The following NRIP1 variants were observed in gnomAD, a reference collection of about 807,000 sequenced individuals.
The protein encoded by NRIP1 is nuclear receptor interacting protein 1.
In NRIP1, 28 loss-of-function variants were observed where a neutral mutation model predicts 75.0. The ratio of observed to expected loss-of-function variants is 0.37; its 90% CI spans 0.28 to 0.51. The LOEUF is 0.51. Among genes scored for constraint, NRIP1 ranks in the 20% least tolerant of loss-of-function variants. The pLI, the probability that NRIP1 is intolerant of heterozygous loss-of-function variation, is 0.92. For missense variants in NRIP1, 1,435 were observed against 1,343.7 expected (o/e 1.07, Z -1.06); for synonymous variants, 526 against 487.6 (o/e 1.08, Z -1.04).
intron 3 of NRIP1, among the ~76,000 whole-genome samples, chr21:15,011,443 C>T (rs1322963874): frequency 1.3e-5 from 2 of 152,136 alleles, no homozygotes; most frequent in African/African-American, 2.4e-5. Context: ...CCCGCCTCGG[C>T]CTCTCAAAGT....
intron 3 of NRIP1, among the ~76,000 whole-genome samples, chr21:15,005,046 A>G (rs2087932062): frequency 1.3e-5 from 2 of 152,228 alleles, no homozygotes; most frequent in South Asian, 4.1e-4. Context: ...TTTGATTTAT[A>G]AATTATATTT....
chr21:14,964,752 C>A lies in NRIP1; in HGVS notation c.3441G>T (p.Leu1147=). 1 of 1,573,172 alleles carries A rather than the reference C, an allele frequency of 6.4e-7. No homozygotes were observed. Among genetic ancestry groups the A allele is most frequent in the Non-Finnish European group, 8.6e-7 (1 of 1,166,118 alleles). ...HSANGEVYGL[L]GSVLTIKKES... Reference sequence around the variant, plus strand: ...CTTTCTTTATCGTTAGCACGCTTCCCAGAAGTCCATAAACTTCTCCATTTG... The same window carrying A: ...CTTTCTTTATCGTTAGCACGCTTCCAAGAAGTCCATAAACTTCTCCATTTG... Residue 1147 remains leucine, a synonymous_variant, in exon 4 of 4, where the codon CTG becomes CTT. Transcript: ENST00000318948.
At position 14,975,984 on chromosome 21, in the gene NRIP1, TTCAAAAATGTGGTATTA is replaced by T. The variant is rs544993395; in HGVS notation, c.-334-7475_-334-7459del. 2.0e-5 allele frequency among the ~76,000 whole-genome samples: 3 copies of T among 152,256 alleles called. No individual in the cohort carries two copies. In the South Asian group the frequency reaches 6.2e-4, roughly 32 times the overall value. On this transcript the variant is annotated intron_variant, in intron 3 of 3. Transcript: ENST00000318948. ...CTATTAAGGACACATTCATTAAAAC[TTCAAAAATGTGGTATTA>T]TCCTTCCTACCACTTACAAATATAT...
intron 2 of NRIP1, among the ~76,000 whole-genome samples, chr21:15,036,857 A>T (rs1327344502): frequency 6.6e-6 from 1 of 152,130 alleles, no homozygotes; most frequent in Admixed American, 6.5e-5. Flanking sequence ...CTTTACCCCA[A>T]TGTGAATTAA....
rs2087331953 is a variant in NRIP1 at position 14,984,369 on chromosome 21, T to A, written c.-334-15843A>T. Among the ~76,000 whole-genome samples the A allele has an allele frequency of 2.2e-5, 3 of 138,288 alleles. No individual in the cohort carries two copies. In the South Asian group the frequency reaches 6.4e-4, roughly 29 times the overall value. The allele number at this position is 138,288 out of a possible 152,430, so 90.7% of individuals were successfully genotyped here. A position where few individuals can be genotyped will look rare whatever the true frequency, so the allele number is the denominator to read the frequency against. ...AAATGAATGAGGAGTTGTTGCGGGT[T>A]TTTTTTTTTTTTTCAACTCCTGAGC... On this transcript the variant is annotated intron_variant, in intron 3 of 3. Transcript: ENST00000318948.
intron 3 of NRIP1, among the ~76,000 whole-genome samples, chr21:14,976,497 T>G (rs2087072735): frequency 6.6e-6 from 1 of 152,186 alleles, no homozygotes; most frequent in South Asian, 2.1e-4. Flanking sequence ...GTAATTTTTT[T>G]AGAGCTTTTT....
chr21:14,987,506 T>C (rs113653292), intron 3 of NRIP1, among the ~76,000 whole-genome samples: 10 of 152,274 alleles, frequency 6.6e-5, no homozygotes, highest in East Asian at 1.9e-4. Flanking sequence ...CAAGATAAGA[T>C]AGTGAAAACC....
chr21:14,977,017 C>A (rs2087091226), intron 3 of NRIP1, among the ~76,000 whole-genome samples: 2 of 152,118 alleles, frequency 1.3e-5, no homozygotes, highest in South Asian at 4.1e-4. Flanking sequence ...TTCTACAATG[C>A]AGCTTTGACC....
At chr21:15,046,939 C>T (rs907009476) in intron 1 of NRIP1, among the ~76,000 whole-genome samples, 5 of 152,110 alleles carry the variant, frequency 3.3e-5, no homozygotes, top group Non-Finnish European at 7.3e-5. Context: ...TAGAGTGAGG[C>T]GCTGCTCTGG....
chr21:14,979,544 G>A (rs1055402360), intron 3 of NRIP1, among the ~76,000 whole-genome samples: 3 of 152,166 alleles, frequency 2.0e-5, no homozygotes, highest in African/African-American at 7.2e-5. Flanking sequence ...TAGACACTCT[G>A]CACTTACCCA....
At position 14,965,568 on chromosome 21, in the gene NRIP1, G is replaced by C. The variant is rs2086711325; in HGVS notation, c.2625C>G (p.Asn875Lys). 1.2e-6 allele frequency: 2 copies of C among 1,613,954 alleles called. No individual in the cohort carries two copies. The highest frequency in any genetic ancestry group is 1.7e-6 in the Non-Finnish European group (2 of 1,179,938). Reference sequence around the variant, plus strand: ...GATTGTTTGCAGCATCAACAATGTTGTTTTTCATCTTTTTAAATGGATTTT... The same window carrying C: ...GATTGTTTGCAGCATCAACAATGTTCTTTTTCATCTTTTTAAATGGATTTT... The part of the protein sequence containing the change: ...PLENPFKKMK[N>K]NIVDAANNHS... Residue 875 changes from asparagine to lysine, a missense_variant, in exon 4 of 4, where the codon AAC becomes AAG. Transcript: ENST00000318948.
chr21:15,035,723 A>G (rs1479846790), intron 2 of NRIP1, among the ~76,000 whole-genome samples: 7 of 151,736 alleles, frequency 4.6e-5, no homozygotes, highest in Non-Finnish European at 1.5e-5. Flanking sequence ...TGGCCGGTTG[A>G]TTTTTTGTAT....
chr21:14,986,994 G>C (rs2087423106), intron 3 of NRIP1, among the ~76,000 whole-genome samples: 2 of 152,150 alleles, frequency 1.3e-5, no homozygotes, highest in Non-Finnish European at 2.9e-5. Flanking sequence ...AAAGTCATCT[G>C]CCTAATCAAT....
In NRIP1 at chr21:14,968,284, A is replaced by G. The variant is rs970953174; in HGVS notation, c.-92T>C. 7.6e-6 allele frequency: 6 copies of G among 785,922 alleles called. No individual in the cohort carries two copies. In the South Asian group the frequency reaches 1.1e-4, roughly 14 times the overall value. The allele number at this position is 785,922 out of a possible 1,614,324, so 48.7% of individuals were successfully genotyped here. A position where few individuals can be genotyped will look rare whatever the true frequency, so the allele number is the denominator to read the frequency against. On this transcript the variant is annotated 5_prime_UTR_variant, in exon 4 of 4. Coordinates refer to ENST00000318948, the MANE Select transcript of NRIP1 (RefSeq NM_003489.4). ...TGCGATGTAACTTTAATAAAGGAGT[A>G]TCAGTTTATCACCTTCCATCGCAAT...
intron 3 of NRIP1, among the ~76,000 whole-genome samples, chr21:14,981,803 T>G (rs2253436): frequency 0.37 from 55,268 of 151,246 alleles, 10,597 homozygotes; most frequent in Non-Finnish European, 0.43. Flanking sequence ...ATGTGTGGAA[T>G]AGTACATATA....
chr21:14,969,796 A>T (rs1429308473), intron 3 of NRIP1, among the ~76,000 whole-genome samples: 1 of 152,196 alleles, frequency 6.6e-6, no homozygotes, highest in Admixed American at 6.5e-5. Context: ...AAATTGTTGA[A>T]TTTATTGATT....
At chr21:14,986,145 G>A (rs1289261528) in intron 3 of NRIP1, among the ~76,000 whole-genome samples, 2 of 152,150 alleles carry the variant, frequency 1.3e-5, no homozygotes, top group Admixed American at 1.3e-4. Context: ...AATCAAATTG[G>A]TCAAAGCTAT....
chr21:14,962,491 T>A lies in NRIP1; in HGVS notation c.*2225A>T, dbSNP rs537451857. On this transcript the variant is annotated 3_prime_UTR_variant, in exon 4 of 4. Coordinates refer to ENST00000318948, the MANE Select transcript of NRIP1 (RefSeq NM_003489.4). ...GTCTTTTCCCTGACCTAAATTTCAC[T>A]CTCTTGTAAAAAGGTCATTTCCCCC... 3 of 152,446 alleles carry A rather than the reference T, an allele frequency of 2.0e-5. No homozygotes were observed. The highest frequency in any genetic ancestry group is 7.2e-5 in the African/African-American group (3 of 41,492). The allele number at this position is 152,446 out of a possible 1,614,324, so 9.4% of individuals were successfully genotyped here. A position where few individuals can be genotyped will look rare whatever the true frequency, so the allele number is the denominator to read the frequency against.
rs80182704 is a variant in NRIP1 at position 15,007,934 on chromosome 21, C to T, written c.-335+6410G>A. Among the ~76,000 whole-genome samples, 2,772 of 152,208 alleles carry T rather than the reference C, an allele frequency of 0.018. 229 individuals carry two copies. In the East Asian group the frequency reaches 0.27, roughly 15 times the overall value. On this transcript the variant is annotated intron_variant, in intron 3 of 3. Transcript: ENST00000318948. The stretch of plus-strand genomic sequence containing the variant: ...ACATCATCACACAATAAAAACACTA[C>T]GAGTAAAAACAGTATGAAGCTGTCA...
Sources: allele counts gnomAD v4.1 joint callset (sites outside exome capture counted in the v4.1 genomes callset), GRCh38; gene constraint gnomAD v4.1.1; transcripts MANE v1.5; gene names NCBI Gene and HGNC (gene_info 2026-07-23, HGNC 2026-07-21).